DMD: variants seen among roughly 807,000 people sequenced by gnomAD.
The protein encoded by DMD is mutant dystrophin.
DMD carries 63 observed loss-of-function variants against 330.1 expected under a neutral mutation model. That is an observed-to-expected ratio of 0.19 (90% confidence interval 0.16 to 0.24). The LOEUF (loss-of-function observed/expected upper bound fraction) is 0.24, where lower values mean the gene tolerates loss of function less well. Ranked by LOEUF, DMD falls within the 10% of genes least tolerant of loss-of-function variation. The pLI, the probability that DMD is intolerant of heterozygous loss-of-function variation, is 1.00. For synonymous variants in DMD, 1,223 were observed against 959.8 expected, an observed-to-expected ratio of 1.27 and a Z score of -5.07; for missense variants, 3,344 against 2,684.1, an observed-to-expected ratio of 1.25 and a Z score of -5.43.
intron 64 of DMD, among the ~76,000 whole-genome samples, chrX:31,220,877 ATTTTTTTTTTTTTTTGCGATT>A (rs2045938330): frequency 1.4e-5 from 1 of 69,461 alleles, no homozygotes; most frequent in Non-Finnish European, 2.6e-5. Context: ...TTCCTAAAAC[ATTTTTTTTTTTTTTTGCGATT>A]TTTTTTTTTT....
intron 43 of DMD, among the ~76,000 whole-genome samples, chrX:32,273,468 T>C (rs1287458281): frequency 9.7e-6 from 1 of 103,573 alleles, no homozygotes; most frequent in African/African-American, 3.7e-5. Flanking sequence ...TAAATATACA[T>C]GTTGAAGACT....
At chrX:31,981,888 G>A (rs2095478340) in intron 44 of DMD, among the ~76,000 whole-genome samples, 1 of 111,941 alleles carries the variant, frequency 8.9e-6, no homozygotes, top group Admixed American at 9.5e-5. Context: ...CACTGTCAGT[G>A]GTCTTTGAGG....
At chrX:31,679,257 C>A in intron 53 of DMD, 118 bp downstream of exon 53, 7 of 688,379 alleles carry the variant, frequency 1.0e-5, no homozygotes, top group Non-Finnish European at 1.5e-5. Context: ...TTCATTTCAG[C>A]TTTAACGTGA....
chrX:31,166,741 C>T (rs58004668), intron 74 of DMD, among the ~76,000 whole-genome samples: 38 of 111,422 alleles, frequency 3.4e-4, no homozygotes, highest in African/African-American at 1.1e-3. Context: ...AGAAAACACA[C>T]GGGCTGTTTT....
intron 45 of DMD, among the ~76,000 whole-genome samples, chrX:31,945,332 T>C (rs1447225911): frequency 8.9e-6 from 1 of 112,042 alleles, no homozygotes. Context: ...TGGGTCTCCT[T>C]TTTTTTATTG....
intron 43 of DMD, among the ~76,000 whole-genome samples, chrX:32,229,110 A>G (rs1027772814): frequency 9.0e-5 from 10 of 110,773 alleles, no homozygotes; most frequent in African/African-American, 3.3e-4. Context: ...TTTAAGTGTC[A>G]TTTGAATCAG....
chrX:31,689,047 G>A (rs1024049625), intron 52 of DMD, among the ~76,000 whole-genome samples: 1 of 111,846 alleles, frequency 8.9e-6, no homozygotes, highest in African/African-American at 3.3e-5. Flanking sequence ...CATTCCCTTT[G>A]AAAACTGGCA....
chrX:31,967,173 G>A lies in DMD; in HGVS notation c.6614+1166C>T, dbSNP rs767476795. Among the ~76,000 whole-genome samples the A allele has an allele frequency of 1.3e-4, 14 of 110,511 alleles. 1 individual carries two copies. In the South Asian group the frequency reaches 5.3e-3, roughly 42 times the overall value. On this transcript the variant is annotated intron_variant, in intron 45 of 78. Transcript: ENST00000357033. Reference sequence around the variant, plus strand: ...AAAAGTATATGACTTACCTAAGGAAGTAGTTTAACTACAAAGTTTAGTTCT... The same window carrying A: ...AAAAGTATATGACTTACCTAAGGAAATAGTTTAACTACAAAGTTTAGTTCT...
intron 59 of DMD, among the ~76,000 whole-genome samples, chrX:31,473,720 A>AAAAAAAAAAAAAAAG (rs1310270784): frequency 9.6e-5 from 10 of 104,368 alleles, no homozygotes; most frequent in African/African-American, 1.8e-4. Flanking sequence ...TCAAAAAAAA[A>AAAAAAAAAAAAAAAG]AAAAAAAAGA....
chrX:31,699,688 T>G (rs1160271140), intron 52 of DMD, among the ~76,000 whole-genome samples: 1 of 111,703 alleles, frequency 9.0e-6, no homozygotes, highest in Non-Finnish European at 1.9e-5. Context: ...CTCTGGTTAA[T>G]GACATGCATG....
intron 9 of DMD, among the ~76,000 whole-genome samples, chrX:32,683,532 C>T (rs2062595300): frequency 9.4e-6 from 1 of 105,943 alleles, no homozygotes; most frequent in African/African-American, 3.5e-5. Flanking sequence ...TCTCAGCAAA[C>T]TATCGCAAGG....
intron 20 of DMD, 102 bp from the exon 21 acceptor site, chrX:32,485,201 A>C (rs2042296040): frequency 6.8e-6 from 5 of 738,831 alleles, no homozygotes; most frequent in East Asian, 3.3e-5. Flanking sequence ...TTAGCTTAAT[A>C]CCCTTCACAA....
At chrX:32,220,480 C>G (rs894825939) in intron 43 of DMD, among the ~76,000 whole-genome samples, 2 of 110,790 alleles carry the variant, frequency 1.8e-5, no homozygotes, top group African/African-American at 3.3e-5. Flanking sequence ...ACTTTAGACT[C>G]CATTTCAAGC....
intron 71 of DMD, among the ~76,000 whole-genome samples, chrX:31,174,186 G>A (rs2040283159): frequency 9.0e-6 from 1 of 111,212 alleles, no homozygotes; most frequent in African/African-American, 3.3e-5. Context: ...CTAATTTCTA[G>A]CACAAAATAG....
intron 2 of DMD, among the ~76,000 whole-genome samples, chrX:32,870,366 G>A (rs747074250): frequency 3.9e-4 from 43 of 111,580 alleles, no homozygotes; most frequent in African/African-American, 1.1e-3. Context: ...ATAATTTATA[G>A]ATTCAATGCT....
At chrX:32,906,304 C>T (rs985365981) in intron 2 of DMD, among the ~76,000 whole-genome samples, 5 of 111,730 alleles carry the variant, frequency 4.5e-5, no homozygotes, top group African/African-American at 1.6e-4. Flanking sequence ...TGAGTCACCT[C>T]GCTCCCCGTC....
chrX:31,821,335 G>T (rs1347301904), intron 49 of DMD, among the ~76,000 whole-genome samples: 2 of 112,431 alleles, frequency 1.8e-5, no homozygotes, highest in Non-Finnish European at 3.8e-5. Context: ...AATTTTCCAG[G>T]TGGTGTTGAT....
intron 7 of DMD, among the ~76,000 whole-genome samples, chrX:32,713,569 A>G (rs988701095): frequency 1.6e-4 from 18 of 111,905 alleles, no homozygotes; most frequent in African/African-American, 5.8e-4. Flanking sequence ...TAGAAATAGT[A>G]ACTACTTCCT....
At chrX:33,148,872 C>T (rs1017778658) in intron 1 of DMD, among the ~76,000 whole-genome samples, 2 of 110,763 alleles carry the variant, frequency 1.8e-5, no homozygotes, top group Non-Finnish European at 3.8e-5. Context: ...AAGATAGCTG[C>T]GAATTTTTTT....
Sources: allele counts gnomAD v4.1 joint callset (sites outside exome capture counted in the v4.1 genomes callset), GRCh38; gene constraint gnomAD v4.1.1; transcripts MANE v1.5; gene names NCBI Gene and HGNC (gene_info 2026-07-23, HGNC 2026-07-21).